Variants in CEP85L observed in about 807,000 individuals in gnomAD.
The protein encoded by CEP85L is centrosomal protein of 85 kDa-like.
Under a neutral mutation model 100.3 loss-of-function variants are expected in CEP85L, and 60 were observed. The ratio of observed to expected loss-of-function variants is 0.60; its 90% confidence interval spans 0.49 to 0.74. The LOEUF (loss-of-function observed/expected upper bound fraction) is 0.74. Among genes scored for constraint, CEP85L ranks in the 30% least tolerant of loss-of-function variants. The pLI, the probability that CEP85L is intolerant of heterozygous loss-of-function variation, is 0.00. For synonymous variants in CEP85L, 319 were observed against 322.7 expected, an observed-to-expected ratio of 0.99 and a Z score of 0.12; for missense variants, 973 against 936.2, an observed-to-expected ratio of 1.04 and a Z score of -0.51.
At chr6:118,519,476 C>CGGGG (rs112109156) in intron 4 of CEP85L, among the ~76,000 whole-genome samples, 11 of 11,914 alleles carry the variant, frequency 9.2e-4, no homozygotes, top group Non-Finnish European at 1.3e-3. Context: ...GTGTGTGTGG[C>CGGGG]GGGGGGGGGT....
rs942923553 is a variant in CEP85L, at chr6:118,502,267, G to T, written c.1257+9031C>A. ...CTCCACATTTATGAATATCAGCAAG[G>T]ATAATTCAGATTTAATCTATGCAAT... On this transcript the variant is annotated intron_variant, in intron 5 of 12. Coordinates refer to ENST00000368491, the MANE Select transcript of CEP85L (RefSeq NM_001042475.3). 1.8e-5 allele frequency: 10 copies of T among 559,926 alleles called. No individual in the cohort carries two copies. The African/African-American group carries it at 1.9e-4, about 11-fold the overall frequency. 34.7% of individuals were successfully genotyped at this position (559,926 alleles called of 1,614,324 possible).
At chr6:118,519,228 G>C (rs1476707307) in intron 4 of CEP85L, among the ~76,000 whole-genome samples, 5 of 151,962 alleles carry the variant, frequency 3.3e-5, no homozygotes, top group African/African-American at 1.2e-4. Context: ...GGCCGAGGCG[G>C]GCAGATCACG....
chr6:118,496,736 C>G (rs967831128), intron 5 of CEP85L, among the ~76,000 whole-genome samples: 5 of 152,196 alleles, frequency 3.3e-5, no homozygotes, highest in Admixed American at 1.3e-4. Flanking sequence ...TTTAGAAAAA[C>G]AGTCACCACT....
intron 1 of CEP85L, among the ~76,000 whole-genome samples, chr6:118,708,936 T>C (rs1340370560): frequency 5.3e-5 from 8 of 152,206 alleles, no homozygotes; most frequent in Middle Eastern, 3.4e-3. Flanking sequence ...AAAAACAGTG[T>C]TGAGAAATTT....
intron 6 of CEP85L, among the ~76,000 whole-genome samples, chr6:118,487,979 T>C (rs893576978): frequency 6.6e-6 from 1 of 151,930 alleles, no homozygotes; most frequent in African/African-American, 2.4e-5. Flanking sequence ...CCTAGAATAC[T>C]CCTGAAGCCT....
At chr6:118,473,635 G>T (rs1773136695) in intron 10 of CEP85L, among the ~76,000 whole-genome samples, 1 of 152,118 alleles carries the variant, frequency 6.6e-6, no homozygotes, top group African/African-American at 2.4e-5. Flanking sequence ...TTGTTCAAAA[G>T]GATCACTTAA....
chr6:118,488,030 T>C (rs1397836396), intron 6 of CEP85L, among the ~76,000 whole-genome samples: 1 of 151,978 alleles, frequency 6.6e-6, no homozygotes, highest in Non-Finnish European at 1.5e-5. Context: ...GTTAAACTAG[T>C]ACAAAGATAT....
At position 118,491,866 on chromosome 6, in the gene CEP85L, C is replaced by A; in HGVS notation, c.1258-1G>T. 1 of 1,575,594 alleles carries A rather than the reference C, an allele frequency of 6.3e-7. No individual in the cohort carries two copies. The highest frequency in any genetic ancestry group is 8.6e-7 in the Non-Finnish European group (1 of 1,165,332). ...GGAGTGAAGTGTTCTCATATTGTGG[C>A]TGTTAGGAAAGAAAAAAAGGAGGTA... On this transcript the variant is annotated splice_acceptor_variant, in intron 5 of 12. Coordinates refer to ENST00000368491, the MANE Select transcript of CEP85L (RefSeq NM_001042475.3). LOFTEE classifies it high-confidence loss of function.
At chr6:118,599,812 A>G in intron 2 of CEP85L, among the ~76,000 whole-genome samples, 1 of 152,206 alleles carries the variant, frequency 6.6e-6, no homozygotes, top group Admixed American at 6.5e-5. Context: ...ATCATGAGAA[A>G]AACGTAAGAC....
chr6:118,610,326 G>A (rs1772523798), intron 2 of CEP85L, among the ~76,000 whole-genome samples: 5 of 152,126 alleles, frequency 3.3e-5, no homozygotes. Context: ...AAACTTGCCA[G>A]GCTGTAATAA....
chr6:118,588,462 C>G (rs1015102792), intron 2 of CEP85L, among the ~76,000 whole-genome samples: 9 of 152,124 alleles, frequency 5.9e-5, no homozygotes, highest in Admixed American at 5.9e-4. Flanking sequence ...GTGGGAGGTA[C>G]CTGTGCACTT....
chr6:118,527,928 C>A (rs1777068894), intron 3 of CEP85L, among the ~76,000 whole-genome samples: 1 of 152,088 alleles, frequency 6.6e-6, no homozygotes, highest in South Asian at 2.1e-4. Context: ...TAACAAAAAT[C>A]TTCTAGGCTA....
At chr6:118,521,709 C>T (rs897874392) in intron 4 of CEP85L, among the ~76,000 whole-genome samples, 43 of 152,094 alleles carry the variant, frequency 2.8e-4, no homozygotes, top group African/African-American at 9.7e-4. Context: ...CTCGAACAAA[C>T]CCAGGCTAGC....
At chr6:118,475,152 G>A (rs888662777) in intron 10 of CEP85L, among the ~76,000 whole-genome samples, 3 of 152,154 alleles carry the variant, frequency 2.0e-5, no homozygotes, top group African/African-American at 7.2e-5. Flanking sequence ...TATTTATAGA[G>A]ATAGCAGGTA....
At chr6:118,623,171 A>G (rs895833938) in intron 2 of CEP85L, among the ~76,000 whole-genome samples, 6 of 152,228 alleles carry the variant, frequency 3.9e-5, no homozygotes, top group African/African-American at 1.4e-4. Context: ...ACTATGCGGC[A>G]GGTAGTCAAG....
upstream of CEP85L, chr6:118,652,444 C>T: frequency 8.3e-7 from 1 of 1,200,724 alleles, no homozygotes; most frequent in Non-Finnish European, 1.0e-6. Context: ...CGTTTAGTTA[C>T]GAACTAGTTC....
At chr6:118,538,579 T>G (rs1777733373) in intron 3 of CEP85L, among the ~76,000 whole-genome samples, 1 of 152,036 alleles carries the variant, frequency 6.6e-6, no homozygotes, top group Non-Finnish European at 1.5e-5. Context: ...GTTAGTATTA[T>G]CATGTCTTTA....
Position 118,613,495 on chromosome 6 carries a change from G to A in CEP85L, c.232+18958C>T, listed in dbSNP as rs547421870. 8.8e-4 allele frequency among the ~76,000 whole-genome samples: 133 copies of A among 151,988 alleles called. 1 individual carries two copies. The Middle Eastern group carries it at 0.01, about 12-fold the overall frequency. ...CCACTGGCCAGGTGCAGTGGCTCAC[G>A]CCTGTAATCCTAGTACTTTGTGGGG... is the stretch of plus-strand genomic sequence containing the variant. On this transcript the variant is annotated intron_variant, in intron 2 of 12. Transcript: ENST00000368491.
chr6:118,690,589 G>A (rs1777003880), intron 1 of CEP85L, among the ~76,000 whole-genome samples: 1 of 152,242 alleles, frequency 6.6e-6, no homozygotes, highest in African/African-American at 2.4e-5. Context: ...CATTAGGAGA[G>A]AGGTTACATC....
Sources: gnomAD v4.1 joint callset for allele counts (sites outside exome capture counted in the v4.1 genomes callset) on GRCh38, gnomAD v4.1.1 for gene constraint, MANE v1.5 for transcripts, NCBI Gene and HGNC (gene_info 2026-07-23, HGNC 2026-07-21) for gene names.